SIPA1L3: variants seen among roughly 807,000 people sequenced by gnomAD.
The protein encoded by SIPA1L3 is signal induced proliferation associated 1 like 3, also known as signal-induced proliferation-associated 1-like protein 3.
In SIPA1L3, 59 loss-of-function variants were observed where a neutral mutation model predicts 150.1. The observed-to-expected ratio is 0.39, with a 90% CI of 0.32 to 0.49. The LOEUF (loss-of-function observed/expected upper bound fraction) is 0.49. Ranked by LOEUF, SIPA1L3 falls within the 20% of genes least tolerant of loss-of-function variation. The probability of loss-of-function intolerance (pLI) is 0.86; values close to 1 mark genes in which losing one functional copy is unlikely to be tolerated. For synonymous variants in SIPA1L3, 1,070 were observed against 1,077.6 expected (o/e 0.99, Z 0.14); for missense variants, 2,211 against 2,489.5 (o/e 0.89, Z 2.38).
intron 2 of SIPA1L3, among the ~76,000 whole-genome samples, chr19:38,077,168 AG>A (rs1969855596): frequency 6.6e-6 from 1 of 152,144 alleles, no homozygotes; most frequent in Non-Finnish European, 1.5e-5. Flanking sequence ...GTCATTGAGG[AG>A]GCTGGGTACG....
intron 9 of SIPA1L3, among the ~76,000 whole-genome samples, chr19:38,123,273 G>T (rs55850713): frequency 0.41 from 56,727 of 139,248 alleles, 11,237 homozygotes; most frequent in East Asian, 0.62. Context: ...TGTTTTTTTT[G>T]TTTTTTTTTT....
At position 37,966,252 on chromosome 19, in the gene SIPA1L3, A is replaced by G. The variant is rs756437084; in HGVS notation, c.-379+58894A>G. 1.3e-4 allele frequency among the ~76,000 whole-genome samples: 20 copies of G among 152,354 alleles called. 1 individual carries two copies. The highest frequency in any genetic ancestry group is 9.8e-4 in the Admixed American group (15 of 15,294). On this transcript the variant is annotated intron_variant, in intron 1 of 21. Transcript: ENST00000222345. ...GGAATCGGCACTGCAGGGAGCTGGC[A>G]GGTTCCGTCCTTCCCAGCTTGCCAC...
intron 1 of SIPA1L3, among the ~76,000 whole-genome samples, chr19:37,952,614 A>C (rs916145432): frequency 6.6e-6 from 1 of 152,162 alleles, no homozygotes; most frequent in Non-Finnish European, 1.5e-5. Flanking sequence ...TGAAGGTTGC[A>C]GTGAGCCAAG....
Position 38,142,703 on chromosome 19 carries a change from C to A in SIPA1L3, c.3526C>A (p.Pro1176Thr). 1 of 1,613,006 alleles carries A rather than the reference C, an allele frequency of 6.2e-7. No homozygotes were observed. Among genetic ancestry groups the A allele is most frequent in the Non-Finnish European group, 8.5e-7 (1 of 1,179,236 alleles). Reference sequence around the variant, plus strand: ...CACCTACGTGAGATACAAGCCATCCCCAGAAAGGTCAGCCTCCCTCAATTC... The same window carrying A: ...CACCTACGTGAGATACAAGCCATCCACAGAAAGGTCAGCCTCCCTCAATTC... ...SATYVRYKPSPERYTAAPHPL... is the reference protein window; with the variant it reads ...SATYVRYKPSTERYTAAPHPL... Residue 1176 changes from proline (P) to threonine (T), a missense_variant, in exon 12 of 22, where the codon CCA (proline) becomes ACA (threonine). Pro to Thr is a conservative substitution (Grantham distance 38). This residue lies in a region of SIPA1L3 where 806 missense variants were observed against 870.1 expected (regional missense o/e 0.93). Transcript: ENST00000222345.
At chr19:38,105,036 C>T (rs1170801877) in intron 6 of SIPA1L3, among the ~76,000 whole-genome samples, 2 of 151,964 alleles carry the variant, frequency 1.3e-5, no homozygotes, top group African/African-American at 4.8e-5. Flanking sequence ...CCCCGCCAGA[C>T]ACTGAGGCAG....
At chr19:38,178,560 C>G (rs927737554) in intron 15 of SIPA1L3, among the ~76,000 whole-genome samples, 4 of 152,146 alleles carry the variant, frequency 2.6e-5, no homozygotes, top group African/African-American at 9.7e-5. Context: ...ACTGCAACCT[C>G]CGCCTCCCAG....
intron 1 of SIPA1L3, among the ~76,000 whole-genome samples, chr19:38,028,147 A>G (rs1968556756): frequency 6.6e-6 from 1 of 152,184 alleles, no homozygotes; most frequent in Admixed American, 6.5e-5. Flanking sequence ...GGAGACATTC[A>G]TTCATCCATG....
chr19:38,127,199 AAG>A, intron 9 of SIPA1L3, among the ~76,000 whole-genome samples: 1 of 152,288 alleles, frequency 6.6e-6, no homozygotes, highest in South Asian at 2.1e-4. Flanking sequence ...TCTCAAAAAA[AAG>A]AGAACCCCAG....
At chr19:37,985,760 T>A (rs1164419729) in intron 1 of SIPA1L3, among the ~76,000 whole-genome samples, 3 of 152,194 alleles carry the variant, frequency 2.0e-5, no homozygotes, top group African/African-American at 7.2e-5. Flanking sequence ...TGTGGGGAGC[T>A]GACTTTGGCG....
chr19:37,934,762 A>T (rs905216098), intron 1 of SIPA1L3, among the ~76,000 whole-genome samples: 9 of 148,454 alleles, frequency 6.1e-5, no homozygotes, highest in African/African-American at 2.3e-4. Context: ...ATTTTTCTCC[A>T]TGGTTATATA....
intron 1 of SIPA1L3, among the ~76,000 whole-genome samples, chr19:37,916,509 A>C (rs923305546): frequency 6.6e-6 from 1 of 151,748 alleles, no homozygotes; most frequent in East Asian, 1.9e-4. Context: ...AAAAAAAAAA[A>C]AAAAAAGACT....
chr19:38,107,367 G>A (rs759704216), intron 7 of SIPA1L3, among the ~76,000 whole-genome samples: 2 of 152,204 alleles, frequency 1.3e-5, no homozygotes, highest in Non-Finnish European at 2.9e-5. Flanking sequence ...AACTTGAAAC[G>A]GATGGAGGTT....
chr19:38,055,689 T>C (rs1414033923), intron 2 of SIPA1L3, among the ~76,000 whole-genome samples: 3 of 152,238 alleles, frequency 2.0e-5, no homozygotes, highest in Non-Finnish European at 4.4e-5. Flanking sequence ...TGCCTGGCCC[T>C]GGAGTAACCC....
At chr19:38,099,092 G>A (rs1355103734) in intron 4 of SIPA1L3, among the ~76,000 whole-genome samples, 1 of 151,772 alleles carries the variant, frequency 6.6e-6, no homozygotes, top group Non-Finnish European at 1.5e-5. Flanking sequence ...CTGGAGTGCA[G>A]TGGCGCGATC....
In SIPA1L3 at chr19:38,008,780, G is replaced by A. The variant is rs181798318; in HGVS notation, c.-378-20309G>A. Among the ~76,000 whole-genome samples the A allele has an allele frequency of 1.0e-3, 158 of 151,878 alleles. 2 individuals carry two copies. The East Asian group carries it at 0.019, about 19-fold the overall frequency. On this transcript the variant is annotated intron_variant, in intron 1 of 21. Coordinates refer to ENST00000222345, the MANE Select transcript of SIPA1L3 (RefSeq NM_015073.3). Reference sequence around the variant, plus strand: ...TCCCTATGTTGCCCAGGCTGGTCTCGAACTCCTGGCCTCAAGCAATCTCCC... The same window carrying A: ...TCCCTATGTTGCCCAGGCTGGTCTCAAACTCCTGGCCTCAAGCAATCTCCC...
At chr19:38,086,534 T>G (rs772413157) in intron 3 of SIPA1L3, among the ~76,000 whole-genome samples, 7 of 152,028 alleles carry the variant, frequency 4.6e-5, no homozygotes, top group Non-Finnish European at 1.5e-5. Context: ...GGTTAAAAAT[T>G]TAGCCAGGTG....
At chr19:37,961,206 A>G (rs1412295247) in intron 1 of SIPA1L3, among the ~76,000 whole-genome samples, 2 of 143,082 alleles carry the variant, frequency 1.4e-5, no homozygotes, top group Non-Finnish European at 3.0e-5. Context: ...TTCTTTAGTG[A>G]TGGGGATCTC....
At chr19:38,137,633 C>T (rs1399126062) in intron 10 of SIPA1L3, among the ~76,000 whole-genome samples, 1 of 151,958 alleles carries the variant, frequency 6.6e-6, no homozygotes, top group South Asian at 2.1e-4. Context: ...TTAATATTTT[C>T]CTCTTTATAT....
chr19:37,959,068 A>C (rs933180420), intron 1 of SIPA1L3, among the ~76,000 whole-genome samples: 1 of 152,246 alleles, frequency 6.6e-6, no homozygotes, highest in Admixed American at 6.5e-5. Flanking sequence ...ACCCTCATAC[A>C]TGGCTGGTGG....
Sources: allele counts gnomAD v4.1 joint callset (sites outside exome capture counted in the v4.1 genomes callset), GRCh38; gene constraint gnomAD v4.1.1; regional missense constraint gnomAD v4.1.1; transcripts MANE v1.5; gene names NCBI Gene and HGNC (gene_info 2026-07-23, HGNC 2026-07-21).